PHLPP1: variants seen among roughly 807,000 people sequenced by gnomAD.
PHLPP1 encodes PH domain leucine-rich repeat-containing protein phosphatase 1.
A neutral mutation model predicts 117.2 loss-of-function variants in PHLPP1; 42 were observed. The ratio of observed to expected loss-of-function variants is 0.36; its 90% confidence interval spans 0.28 to 0.46. PHLPP1 has a LOEUF of 0.46. Among genes scored for constraint, PHLPP1 ranks in the 20% least tolerant of loss-of-function variants. The pLI is 1.00. For synonymous variants in PHLPP1, 1,042 were observed against 970.7 expected, an observed-to-expected ratio of 1.07 and a Z score of -1.37; for missense variants, 2,084 against 2,241.9, an observed-to-expected ratio of 0.93 and a Z score of 1.42.
At chr18:62,893,111 G>T (rs939905757) in intron 4 of PHLPP1, among the ~76,000 whole-genome samples, 2 of 151,104 alleles carry the variant, frequency 1.3e-5, no homozygotes, top group African/African-American at 4.9e-5. Context: ...GCGTGATCTC[G>T]GTTCACCACA....
chr18:62,920,976 G>C (rs1364850628), intron 10 of PHLPP1, among the ~76,000 whole-genome samples: 1 of 152,126 alleles, frequency 6.6e-6, no homozygotes, highest in East Asian at 1.9e-4. Context: ...CATACACTAA[G>C]CATTTGAAGT....
chr18:62,877,125 G>A (rs564848294), intron 4 of PHLPP1, among the ~76,000 whole-genome samples: 1 of 152,210 alleles, frequency 6.6e-6, no homozygotes, highest in South Asian at 2.1e-4. Flanking sequence ...GGTTCCCTTG[G>A]AGTAGAAAAC....
chr18:62,952,102 G>A (rs1477964707), intron 12 of PHLPP1, among the ~76,000 whole-genome samples: 1 of 151,850 alleles, frequency 6.6e-6, no homozygotes. Flanking sequence ...ACAGGCGTGA[G>A]CCACCGCGCC....
intron 1 of PHLPP1, among the ~76,000 whole-genome samples, chr18:62,751,156 A>G (rs1911841844): frequency 6.6e-6 from 1 of 152,230 alleles, no homozygotes; most frequent in East Asian, 1.9e-4. Flanking sequence ...GATGTGTAAG[A>G]GGTTTTCCCC....
intron 3 of PHLPP1, among the ~76,000 whole-genome samples, chr18:62,853,268 T>C (rs1338995837): frequency 6.6e-6 from 1 of 152,222 alleles, no homozygotes; most frequent in Non-Finnish European, 1.5e-5. Context: ...TTCATTTTGA[T>C]GTATCTCTCA....
At position 62,902,994 on chromosome 18, in the gene PHLPP1, T is replaced by C; in HGVS notation, c.2475T>C (p.Asp825=). The part of the protein sequence containing the change: ...RLNVIRKLIA[D]EVDFLQHVTQ... The stretch of plus-strand genomic sequence containing the variant: ...ACGTAATTAGGAAGCTGATAGCAGA[T>C]GAAGTGGACTTTCTACAGCATGTTA... Residue 825 remains aspartate (D), a synonymous_variant, in exon 7 of 17, where the codon GAT becomes GAC. Coordinates refer to ENST00000262719, the MANE Select transcript of PHLPP1 (RefSeq NM_194449.4). The C allele has an allele frequency of 6.2e-7, 1 of 1,612,666 alleles. No individual in the cohort carries two copies. Among genetic ancestry groups the C allele is most frequent in the Non-Finnish European group, 8.5e-7 (1 of 1,179,498 alleles).
intron 6 of PHLPP1, among the ~76,000 whole-genome samples, chr18:62,902,734 G>A (rs895872530): frequency 3.3e-5 from 5 of 152,080 alleles, no homozygotes; most frequent in African/African-American, 9.7e-5. Flanking sequence ...AGCTGTAGTG[G>A]TGTCACTTGT....
Position 62,963,416 on chromosome 18 carries a change from C to T in PHLPP1, c.3504C>T (p.Ser1168=), listed in dbSNP as rs369118206. The change falls in exon 14 of 17, where the codon TCC becomes TCT. Residue 1168 remains serine, a synonymous_variant. Transcript: ENST00000262719. ...ATCAGCCTTCTACAGGAGACGCTTC[C>T]GGAGCCCCAGCTGTATGGAGTCATG... is the stretch of plus-strand genomic sequence containing the variant. ...KIDQPSTGDA[S]GAPAVWSHGY... is the part of the protein sequence containing the mutation. 33 of 1,613,486 alleles carry T rather than the reference C, an allele frequency of 2.0e-5. No homozygotes were observed. The highest frequency in any genetic ancestry group is 4.5e-5 in the East Asian group (2 of 44,880).
intron 12 of PHLPP1, among the ~76,000 whole-genome samples, chr18:62,951,740 C>T (rs1475409768): frequency 6.6e-6 from 1 of 151,846 alleles, no homozygotes; most frequent in Non-Finnish European, 1.5e-5. Context: ...ACTAAAGCCC[C>T]CAGATGCATG....
intron 1 of PHLPP1, among the ~76,000 whole-genome samples, chr18:62,792,384 T>G (rs527618557): frequency 6.6e-6 from 1 of 152,354 alleles, no homozygotes; most frequent in Admixed American, 6.5e-5. Flanking sequence ...CCTTTTAGTA[T>G]GAATGATTTT....
At chr18:62,884,254 A>C (rs1296937041) in intron 4 of PHLPP1, among the ~76,000 whole-genome samples, 2 of 152,192 alleles carry the variant, frequency 1.3e-5, no homozygotes, top group African/African-American at 4.8e-5. Context: ...GCTATCTCCT[A>C]TTTATGCAGC....
intron 8 of PHLPP1, among the ~76,000 whole-genome samples, chr18:62,912,596 A>G (rs1916987569): frequency 6.6e-6 from 1 of 151,932 alleles, no homozygotes. Context: ...ACATGGATGC[A>G]TATAAATATC....
chr18:62,719,627 C>T (rs938513438), intron 1 of PHLPP1, among the ~76,000 whole-genome samples: 2 of 152,118 alleles, frequency 1.3e-5, no homozygotes, highest in Admixed American at 6.5e-5. Flanking sequence ...TTTTAGATGA[C>T]ATCTTTTACA....
chr18:62,945,333 C>A, intron 12 of PHLPP1, 62 bp downstream of exon 12: 2 of 1,343,586 alleles, frequency 1.5e-6, no homozygotes, highest in Non-Finnish European at 2.0e-6. Context: ...GACTTCCTAA[C>A]TCATCAACTC....
intron 11 of PHLPP1, among the ~76,000 whole-genome samples, chr18:62,943,591 T>C (rs1910192146): frequency 6.6e-6 from 1 of 152,154 alleles, no homozygotes; most frequent in African/African-American, 2.4e-5. Context: ...AGGGGAGCCA[T>C]TGTGTCACAT....
chr18:62,846,177 C>G lies in PHLPP1; in HGVS notation c.1899+7268C>G, dbSNP rs1456714484. On this transcript the variant is annotated intron_variant, in intron 3 of 16. Coordinates refer to ENST00000262719, the MANE Select transcript of PHLPP1 (RefSeq NM_194449.4). ...TGACCCAAGATGGTGCCACTGCACT[C>G]CAGCCTGGGCAATGAGAGCAAAACT... is the stretch of plus-strand genomic sequence containing the variant. Among the ~76,000 whole-genome samples, 3 of 145,220 alleles carry G rather than the reference C, an allele frequency of 2.1e-5. No homozygotes were observed. The Admixed American group carries it at 2.1e-4, about 10-fold the overall frequency.
chr18:62,872,647 G>A (rs533627211), intron 4 of PHLPP1, among the ~76,000 whole-genome samples: 26 of 151,784 alleles, frequency 1.7e-4, no homozygotes, highest in African/African-American at 2.9e-4. Context: ...AGCAGAGATC[G>A]CGCCACTGGA....
chr18:62,869,478 A>C (rs967860533), intron 4 of PHLPP1, among the ~76,000 whole-genome samples: 1 of 152,220 alleles, frequency 6.6e-6, no homozygotes. Context: ...GCACTCCAGA[A>C]GCTGTCCTTG....
intron 1 of PHLPP1, among the ~76,000 whole-genome samples, chr18:62,779,139 C>T (rs561322693): frequency 6.6e-6 from 1 of 152,312 alleles, no homozygotes; most frequent in East Asian, 1.9e-4. Flanking sequence ...TCTCCTACCC[C>T]TCCTCCCCTT....
Sources: gnomAD v4.1 joint callset for allele counts (sites outside exome capture counted in the v4.1 genomes callset) on GRCh38, gnomAD v4.1.1 for gene constraint, MANE v1.5 for transcripts, NCBI Gene and HGNC (gene_info 2026-07-23, HGNC 2026-07-21) for gene names.